The following TSHZ1 variants were observed in gnomAD, a reference collection of about 807,000 sequenced individuals.
The protein encoded by TSHZ1 is teashirt zinc finger homeobox 1, also known as teashirt homolog 1.
TSHZ1 carries 12 observed loss-of-function variants against 67.1 expected under a neutral mutation model. That is an observed-to-expected ratio of 0.18 (90% CI 0.11 to 0.29). The LOEUF (loss-of-function observed/expected upper bound fraction) is 0.29, where lower values mean the gene tolerates loss of function less well. TSHZ1 is among the 10% of genes least tolerant of loss of function. TSHZ1 has a pLI of 1.00. For missense variants in TSHZ1, 1,305 were observed against 1,413.9 expected, an observed-to-expected ratio of 0.92 and a Z score of 1.23; for synonymous variants, 632 against 622.4, an observed-to-expected ratio of 1.02 and a Z score of -0.23.
At chr18:75,274,633 T>C (rs1239234713) in intron 1 of TSHZ1, among the ~76,000 whole-genome samples, 1 of 152,210 alleles carries the variant, frequency 6.6e-6, no homozygotes, top group Non-Finnish European at 1.5e-5. Flanking sequence ...AAATTGTAGC[T>C]TATAATGAAA....
chr18:75,227,308 A>G (rs188401409), intron 1 of TSHZ1, among the ~76,000 whole-genome samples: 48 of 151,952 alleles, frequency 3.2e-4, no homozygotes, highest in African/African-American at 1.1e-3. Context: ...AACCCGATAG[A>G]TGTTTCTTCT....
At chr18:75,279,655 C>T (rs914443574) in intron 1 of TSHZ1, among the ~76,000 whole-genome samples, 11 of 152,198 alleles carry the variant, frequency 7.2e-5, no homozygotes, top group African/African-American at 2.4e-4. Flanking sequence ...TCTGGCAGTG[C>T]GGGGCAGGAG....
In TSHZ1 at chr18:75,288,655, A is replaced by G; in HGVS notation, c.*14A>G. 6.4e-7 allele frequency: 1 copy of G among 1,567,408 alleles called. No homozygotes were observed. Among genetic ancestry groups the G allele is most frequent in the Non-Finnish European group, 8.6e-7 (1 of 1,157,836 alleles). On this transcript the variant is annotated 3_prime_UTR_variant, in exon 2 of 2. Coordinates refer to ENST00000580243, the MANE Select transcript of TSHZ1 (RefSeq NM_001308210.2). The surrounding 1 kb of genome is among the most constrained non-coding windows in gnomAD (Gnocchi z 4.9). Reference sequence around the variant, plus strand: ...GAGAAACAGTAGCGTCCAGGTATGCAAGAGACCGCGGAACATTGCACTAAA... The same window carrying G: ...GAGAAACAGTAGCGTCCAGGTATGCGAGAGACCGCGGAACATTGCACTAAA...
At chr18:75,274,549 A>G (rs565483887) in intron 1 of TSHZ1, among the ~76,000 whole-genome samples, 1 of 152,356 alleles carries the variant, frequency 6.6e-6, no homozygotes, top group East Asian at 1.9e-4. Context: ...AATATATTCC[A>G]GTACATTTGT....
chr18:75,217,933 T>C (rs1321138794), intron 1 of TSHZ1, among the ~76,000 whole-genome samples: 3 of 152,196 alleles, frequency 2.0e-5, no homozygotes, highest in African/African-American at 7.2e-5. Context: ...TAAAGAGGTG[T>C]GCTACCCAGG....
At chr18:75,247,790 A>C in intron 1 of TSHZ1, among the ~76,000 whole-genome samples, 1 of 152,088 alleles carries the variant, frequency 6.6e-6, no homozygotes, top group South Asian at 2.1e-4. Context: ...CTTCTTTTGA[A>C]GTGTGAAAAA....
At chr18:75,234,409 G>C (rs9962531) in intron 1 of TSHZ1, among the ~76,000 whole-genome samples, 1 of 152,108 alleles carries the variant, frequency 6.6e-6, no homozygotes, top group South Asian at 2.1e-4. Flanking sequence ...AGTGTTCCTC[G>C]TAAAGTTTTT....
At chr18:75,212,008 C>CG in intron 1 of TSHZ1, 92 bp downstream of exon 1, 1 of 1,025,742 alleles carries the variant, frequency 9.7e-7, no homozygotes, top group Non-Finnish European at 1.2e-6. Flanking sequence ...ACGTGGGCCG[C>CG]GGGCCGCCCC....
intron 1 of TSHZ1, among the ~76,000 whole-genome samples, chr18:75,271,225 A>G: frequency 6.6e-6 from 1 of 152,296 alleles, no homozygotes; most frequent in East Asian, 1.9e-4. Flanking sequence ...GGAATTGTTT[A>G]TACTAAATTT....
At chr18:75,247,776 T>C (rs2122560087) in intron 1 of TSHZ1, among the ~76,000 whole-genome samples, 1 of 152,196 alleles carries the variant, frequency 6.6e-6, no homozygotes, top group East Asian at 1.9e-4. Flanking sequence ...AGCACAGCTT[T>C]GTCCTTCTTT....
rs918777667 is a variant in TSHZ1, at chr18:75,281,390, G to A, written c.41-4058G>A. On this transcript the variant is annotated intron_variant, in intron 1 of 1. Transcript: ENST00000580243. The surrounding 1 kb of genome is among the most constrained non-coding windows in gnomAD (Gnocchi z 5.3). Reference sequence around the variant, plus strand: ...TGAGGAGGAGGGTGCTGGAGAGGGCGGTGGGGTGTCATTTTGTTTGCACAC... The same window carrying A: ...TGAGGAGGAGGGTGCTGGAGAGGGCAGTGGGGTGTCATTTTGTTTGCACAC... Among the ~76,000 whole-genome samples the A allele has an allele frequency of 3.9e-5, 6 of 152,170 alleles. No homozygotes were observed. Among genetic ancestry groups the A allele is most frequent in the East Asian group, 1.9e-4 (1 of 5,190 alleles).
At chr18:75,214,874 G>T (rs146407848) in intron 1 of TSHZ1, among the ~76,000 whole-genome samples, 1 of 151,998 alleles carries the variant, frequency 6.6e-6, no homozygotes, top group African/African-American at 2.4e-5. Context: ...CGATTAATGC[G>T]GACAAATTCA....
intron 1 of TSHZ1, among the ~76,000 whole-genome samples, chr18:75,222,635 C>G (rs574260880): frequency 4.2e-4 from 64 of 152,250 alleles, no homozygotes; most frequent in Admixed American, 3.6e-3. Flanking sequence ...TCCTCCTCCT[C>G]TCTGGCTTAT....
chr18:75,252,811 C>G (rs751079761), intron 1 of TSHZ1, among the ~76,000 whole-genome samples: 2 of 152,046 alleles, frequency 1.3e-5, no homozygotes, highest in Non-Finnish European at 2.9e-5. Context: ...TGTTCCTGCC[C>G]TGTGTCCCCT....
chr18:75,227,219 T>A (rs1337743789), intron 1 of TSHZ1, among the ~76,000 whole-genome samples: 1 of 152,002 alleles, frequency 6.6e-6, no homozygotes, highest in African/African-American at 2.4e-5. Context: ...GCGGCAGAAG[T>A]TTGGTCTTCT....
chr18:75,288,725 TCTTTC>T lies in TSHZ1; in HGVS notation c.*89_*93del. On this transcript the variant is annotated 3_prime_UTR_variant, in exon 2 of 2. Coordinates refer to ENST00000580243, the MANE Select transcript of TSHZ1 (RefSeq NM_001308210.2). This position sits in a 1 kb window ranked among gnomAD's most constrained non-coding sequence, Gnocchi z 4.9. Reference sequence around the variant, plus strand: ...GCCTGGCCTGAGCCTCTGAAATCAGTCTTTCCTTTGTTGCTGGCCCGCCTCTCTGG... The same window carrying T: ...GCCTGGCCTGAGCCTCTGAAATCAGTCTTTGTTGCTGGCCCGCCTCTCTGG... 1 of 1,507,522 alleles carries T rather than the reference TCTTTC, an allele frequency of 6.6e-7. No individual in the cohort carries two copies. The highest frequency in any genetic ancestry group is 8.8e-7 in the Non-Finnish European group (1 of 1,131,304). The allele number at this position is 1,507,522 out of a possible 1,614,324, so 93.4% of individuals were successfully genotyped here. A position where few individuals can be genotyped will look rare whatever the true frequency, so the allele number is the denominator to read the frequency against.
rs766942425 is a variant in TSHZ1, at chr18:75,288,156, A to G, written c.2749A>G (p.Ile917Val). 4 of 1,614,014 alleles carry G rather than the reference A, an allele frequency of 2.5e-6. No individual in the cohort carries two copies. In the South Asian group the frequency reaches 3.3e-5, roughly 13 times the overall value. The change falls in exon 2 of 2, where the codon ATC becomes GTC. Residue 917 changes from isoleucine (I) to valine (V), a missense_variant. Transcript: ENST00000580243. The surrounding 1 kb of genome is among the most constrained non-coding windows in gnomAD (Gnocchi z 4.9). ...GCGGGAGACCACAGAGGGCAAGTAC[A>G]TCATGTCGGACTTGGGCCCGCAGGA... ...SLRETTEGKYIMSDLGPQERV... is the reference protein window; with the variant it reads ...SLRETTEGKYVMSDLGPQERV...
Position 75,282,602 on chromosome 18 carries a change from G to GCT in TSHZ1, c.41-2839_41-2838dup, listed in dbSNP as rs1418274317. Among the ~76,000 whole-genome samples, 7 of 152,294 alleles carry GCT rather than the reference G, an allele frequency of 4.6e-5. No individual in the cohort carries two copies. In the South Asian group the frequency reaches 1.4e-3, roughly 32 times the overall value. ...AGGTGGCCTTAAAAGAAGTGGAAGA[G>GCT]CTCTCTCTTTCCACCTGCTGGAAGG... On this transcript the variant is annotated intron_variant, in intron 1 of 1. Coordinates refer to ENST00000580243, the MANE Select transcript of TSHZ1 (RefSeq NM_001308210.2).
At chr18:75,247,876 T>TG (rs968247326) in intron 1 of TSHZ1, among the ~76,000 whole-genome samples, 1 of 151,946 alleles carries the variant, frequency 6.6e-6, no homozygotes, top group African/African-American at 2.4e-5. Context: ...TTTTTTTTTT[T>TG]TTACTTCCTG....
Sources: gnomAD v4.1 joint callset for allele counts (sites outside exome capture counted in the v4.1 genomes callset) on GRCh38, gnomAD v4.1.1 for gene constraint, Gnocchi (gnomAD v3.1) non-coding constraint, MANE v1.5 for transcripts, NCBI Gene and HGNC (gene_info 2026-07-23, HGNC 2026-07-21) for gene names.